The following EDNRB variants were observed in gnomAD, a reference collection of about 807,000 sequenced individuals.
EDNRB encodes the protein endothelin receptor type B.
Under a neutral mutation model 46.4 loss-of-function variants are expected in EDNRB, and 18 were observed. That is an observed-to-expected ratio of 0.39 (90% CI 0.27 to 0.57). EDNRB has a LOEUF of 0.57. Ranked by LOEUF, EDNRB falls within the 20% of genes least tolerant of loss-of-function variation. The probability of loss-of-function intolerance (pLI) is 0.61; values close to 1 mark genes in which losing one functional copy is unlikely to be tolerated. For missense variants in EDNRB, 434 were observed against 537.5 expected, an observed-to-expected ratio of 0.81 and a Z score of 1.90; for synonymous variants, 213 against 204.9, an observed-to-expected ratio of 1.04 and a Z score of -0.34.
In EDNRB at chr13:77,897,132, G is replaced by A. The variant is rs1454805143; in HGVS notation, c.*1068C>T. ...GAGAGAGGGTGCTACCTGCCCCTTT[G>A]TCATGTGGACACTGCACCAGGCAGT... On this transcript the variant is annotated 3_prime_UTR_variant, in exon 7 of 7. Coordinates refer to ENST00000646607, the MANE Select transcript of EDNRB (RefSeq NM_001122659.3). 1.0e-6 allele frequency: 1 copy of A among 985,732 alleles called. No individual in the cohort carries two copies. The highest frequency in any genetic ancestry group is 5.2e-4 in the Middle Eastern group (1 of 1,916). 61.1% of individuals were successfully genotyped at this position (985,732 alleles called of 1,614,324 possible).
chr13:77,963,228 C>G (rs1881479232), intron 1 of EDNRB, among the ~76,000 whole-genome samples: 1 of 152,236 alleles, frequency 6.6e-6, no homozygotes, highest in African/African-American at 2.4e-5. Context: ...CCATCCCCAT[C>G]AACCTACCAA....
chr13:77,911,863 A>T (rs964309891), intron 1 of EDNRB, among the ~76,000 whole-genome samples: 3 of 152,070 alleles, frequency 2.0e-5, no homozygotes, highest in African/African-American at 7.2e-5. Context: ...CCCAAACATA[A>T]CCAACTTCTT....
intron 1 of EDNRB, among the ~76,000 whole-genome samples, chr13:77,969,411 G>A (rs1469510527): frequency 2.6e-5 from 4 of 152,108 alleles, no homozygotes; most frequent in Admixed American, 1.3e-4. Context: ...CTGTTATAAC[G>A]ACAGGAGTGT....
intron 1 of EDNRB, among the ~76,000 whole-genome samples, chr13:77,963,074 G>A (rs1177274685): frequency 6.6e-6 from 1 of 152,148 alleles, no homozygotes; most frequent in Non-Finnish European, 1.5e-5. Flanking sequence ...GGATGTGAAG[G>A]ACCTCTTCAA....
At chr13:77,901,521 C>A (rs891937711) in intron 3 of EDNRB, among the ~76,000 whole-genome samples, 1 of 151,878 alleles carries the variant, frequency 6.6e-6, no homozygotes, top group African/African-American at 2.4e-5. Flanking sequence ...AGAAACTTAT[C>A]CTTAGAGTAT....
rs201079067 is a variant in EDNRB at position 77,898,010 on chromosome 13, T to C, written c.*190A>G. On this transcript the variant is annotated 3_prime_UTR_variant, in exon 7 of 7. Coordinates refer to ENST00000646607, the MANE Select transcript of EDNRB (RefSeq NM_001122659.3). ...AGGCTTTCTTAATTCCCACTGATTT[T>C]CTTTCCATGCCGTAAACAGCTCATA... 85 of 1,385,832 alleles carry C rather than the reference T, an allele frequency of 6.1e-5. No homozygotes were observed. The highest frequency in any genetic ancestry group is 9.1e-5 in the Admixed American group (3 of 33,010). 85.8% of individuals were successfully genotyped at this position (1,385,832 alleles called of 1,614,324 possible).
chr13:77,970,380 T>A (rs543394806), intron 1 of EDNRB, among the ~76,000 whole-genome samples: 1 of 152,186 alleles, frequency 6.6e-6, no homozygotes, highest in East Asian at 1.9e-4. Context: ...AGGAAGAGGT[T>A]TATTCGGCTG....
chr13:77,938,230 C>T (rs546712761), intron 1 of EDNRB, among the ~76,000 whole-genome samples: 13 of 151,920 alleles, frequency 8.6e-5, no homozygotes, highest in Admixed American at 2.6e-4. Flanking sequence ...GGAAAGGGTC[C>T]GGGGGTTCTT....
intron 1 of EDNRB, among the ~76,000 whole-genome samples, chr13:77,958,242 T>G (rs1411209645): frequency 6.6e-6 from 1 of 152,198 alleles, no homozygotes; most frequent in Non-Finnish European, 1.5e-5. Context: ...CACAGGTGAT[T>G]CTGATGGATA....
At chr13:77,933,369 T>C (rs932346754) in intron 1 of EDNRB, among the ~76,000 whole-genome samples, 17 of 151,912 alleles carry the variant, frequency 1.1e-4, no homozygotes, top group African/African-American at 4.1e-4. Flanking sequence ...TTTGGGTAGG[T>C]AAAGGAAAAT....
chr13:77,932,479 C>A (rs1880434674), intron 1 of EDNRB, among the ~76,000 whole-genome samples: 1 of 152,156 alleles, frequency 6.6e-6, no homozygotes, highest in Admixed American at 6.5e-5. Context: ...TAAAGTCTTA[C>A]AAAATCCCTG....
intron 1 of EDNRB, among the ~76,000 whole-genome samples, chr13:77,945,248 T>TA (rs371588887): frequency 9.5e-4 from 145 of 152,180 alleles, no homozygotes; most frequent in African/African-American, 3.3e-3. Flanking sequence ...TTGCTATTGC[T>TA]AAAAAAAATC....
chr13:77,896,314 C>G lies in EDNRB; in HGVS notation c.*1886G>C. 1 of 897,392 alleles carries G rather than the reference C, an allele frequency of 1.1e-6. No individual in the cohort carries two copies. The highest frequency in any genetic ancestry group is 1.5e-6 in the Non-Finnish European group (1 of 647,242). 55.6% of individuals were successfully genotyped at this position (897,392 alleles called of 1,614,324 possible). A position where few individuals can be genotyped will look rare whatever the true frequency, so the allele number is the denominator to read the frequency against. ...ATAAACTGTGAAAATATTAGTGATT[C>G]AAAATTAATTTAAAATTGAGAGTCT... is the stretch of plus-strand genomic sequence containing the variant. On this transcript the variant is annotated 3_prime_UTR_variant, in exon 7 of 7. Coordinates refer to ENST00000646607, the MANE Select transcript of EDNRB (RefSeq NM_001122659.3).
intron 1 of EDNRB, among the ~76,000 whole-genome samples, chr13:77,942,697 AC>A (rs1880789329): frequency 6.6e-6 from 1 of 152,154 alleles, no homozygotes; most frequent in South Asian, 2.1e-4. Flanking sequence ...TCTAGATAAA[AC>A]TACATAATTT....
At chr13:77,965,345 T>G (rs1049366043) in intron 1 of EDNRB, among the ~76,000 whole-genome samples, 1 of 152,204 alleles carries the variant, frequency 6.6e-6, no homozygotes, top group African/African-American at 2.4e-5. Flanking sequence ...AAAACTATTT[T>G]CATGCTTCAT....
In EDNRB at chr13:77,899,924, G is replaced by C. The variant is rs1177969210; in HGVS notation, c.1129C>G (p.Leu377Val). The change falls in exon 6 of 7, where the codon CTG becomes GTG. Residue 377 changes from leucine to valine, a missense_variant. Leu to Val is a conservative substitution (Grantham distance 32). Coordinates refer to ENST00000646607, the MANE Select transcript of EDNRB (RefSeq NM_001122659.3). ...GCAATTGGGTTAATGCAGGAATTCA[G>C]TGAAGCCATGTTGATACCAATATAG... ...LDYIGINMAS[L>V]NSCINPIALY... The C allele has an allele frequency of 1.2e-6, 2 of 1,611,996 alleles. No individual in the cohort carries two copies. Among genetic ancestry groups the C allele is most frequent in the South Asian group, 1.1e-5 (1 of 91,054 alleles).
rs140329777 is a variant in EDNRB at position 77,964,833 on chromosome 13, T to C, written c.-52+10514A>G. Among the ~76,000 whole-genome samples the C allele has an allele frequency of 3.7e-4, 57 of 152,114 alleles. 1 individual carries two copies. The East Asian group carries it at 8.7e-3, about 23-fold the overall frequency. On this transcript the variant is annotated intron_variant, in intron 1 of 7. Transcript: ENST00000646948. The stretch of plus-strand genomic sequence containing the variant: ...AAAAAAAAAAAGTCAGCAGATTTGC[T>C]AATCCTCTCTGCCTGGGGATTTCCT...
intron 1 of EDNRB, among the ~76,000 whole-genome samples, chr13:77,904,979 T>C (rs1879202184): frequency 2.0e-5 from 3 of 151,996 alleles, no homozygotes; most frequent in African/African-American, 7.2e-5. Flanking sequence ...GTTTGTCTCA[T>C]AATGAATTTG....
At chr13:77,973,544 T>C (rs1881798525) in intron 1 of EDNRB, among the ~76,000 whole-genome samples, 2 of 152,094 alleles carry the variant, frequency 1.3e-5, no homozygotes, top group Admixed American at 6.5e-5. Context: ...ATTTTTTTTT[T>C]CAATTAACAT....
Sources: gnomAD v4.1 joint callset for allele counts (sites outside exome capture counted in the v4.1 genomes callset) on GRCh38, gnomAD v4.1.1 for gene constraint, MANE v1.5 for transcripts, NCBI Gene and HGNC (gene_info 2026-07-23, HGNC 2026-07-21) for gene names.